The following NAV2 variants were observed in gnomAD, a reference collection of about 807,000 sequenced individuals.
NAV2 encodes the protein neuron navigator 2, also known as helicase, APC down-regulated 1.
NAV2 carries 54 observed loss-of-function variants against 223.2 expected under a neutral mutation model. The observed-to-expected ratio is 0.24, with a 90% CI of 0.19 to 0.30. The LOEUF (loss-of-function observed/expected upper bound fraction) is 0.30, where lower values mean the gene tolerates loss of function less well. Ranked by LOEUF, NAV2 falls within the 10% of genes least tolerant of loss-of-function variation. The pLI is 1.00. For synonymous variants in NAV2, 1,279 were observed against 1,239.3 expected (o/e 1.03, Z -0.67); for missense variants, 2,806 against 3,147.5 (o/e 0.89, Z 2.60).
chr11:19,877,470 C>CTTTTTTTTTTTTTTCTTTTTTTTTTTCTT (rs1555114909), intron 4 of NAV2, among the ~76,000 whole-genome samples: 3 of 82,622 alleles, frequency 3.6e-5, no homozygotes, highest in African/African-American at 6.8e-5. Flanking sequence ...TATCTTCATT[C>CTTTTTTTTTTTTTTCTTTTTTTTTTTCTT]TTTTTTTTTT....
At chr11:19,682,346 A>G (rs1298303582) in intron 1 of NAV2, among the ~76,000 whole-genome samples, 3 of 152,264 alleles carry the variant, frequency 2.0e-5, no homozygotes, top group Non-Finnish European at 2.9e-5. Flanking sequence ...ATCCTACTTA[A>G]CAGATGAGGA....
Position 19,880,001 on chromosome 11 carries a change from G to A in NAV2, c.644G>A (p.Gly215Glu), listed in dbSNP as rs897834235. ...CCGCCCGCCGTATCCCAGGTGGCCG[G>A]GGCCCCCTCCCAGTGCCAGGCTGGC... is the stretch of plus-strand genomic sequence containing the variant. ...PLPPAVSQVAGAPSQCQAGTP... is the reference protein window; with the variant it reads ...PLPPAVSQVAEAPSQCQAGTP... The change falls in exon 5 of 38, where the codon GGG becomes GAG. Residue 215 changes from glycine (G) to glutamate (E), a missense_variant. Physicochemically the swap from Gly to Glu is moderately conservative, Grantham distance 98. Coordinates refer to ENST00000349880, the MANE Select transcript of NAV2 (RefSeq NM_145117.5). The A allele has an allele frequency of 1.2e-6, 2 of 1,613,642 alleles. No individual in the cohort carries two copies. Among genetic ancestry groups the A allele is most frequent in the African/African-American group, 1.3e-5 (1 of 74,874 alleles).
intron 1 of NAV2, among the ~76,000 whole-genome samples, chr11:19,482,394 A>C (rs987458769): frequency 8.5e-5 from 13 of 152,166 alleles, no homozygotes; most frequent in African/African-American, 2.9e-4. Flanking sequence ...GTGAAACTCA[A>C]CTGTCCTGGA....
chr11:19,760,279 C>T (rs980970773), intron 1 of NAV2, among the ~76,000 whole-genome samples: 1 of 152,164 alleles, frequency 6.6e-6, no homozygotes, highest in Non-Finnish European at 1.5e-5. Flanking sequence ...CTGTCCTTTA[C>T]CCCATTCTCA....
At chr11:19,523,691 T>C (rs2043748598) in intron 1 of NAV2, among the ~76,000 whole-genome samples, 1 of 152,230 alleles carries the variant, frequency 6.6e-6, no homozygotes, top group South Asian at 2.1e-4. Flanking sequence ...ATGCCATCGT[T>C]TGCACATTGC....
chr11:19,466,844 G>T lies in NAV2; in HGVS notation c.75+115817G>T, dbSNP rs139817839. 7.1e-3 allele frequency among the ~76,000 whole-genome samples: 1,078 copies of T among 152,268 alleles called. 14 individuals are homozygous for T. Among genetic ancestry groups the T allele is most frequent in the African/African-American group, 0.025 (1,031 of 41,548 alleles). The stretch of plus-strand genomic sequence containing the variant: ...GAGATCTTAGAAAACACAGAAAGTT[G>T]TAAAGAAGAAAATAAATTCACTACG... On this transcript the variant is annotated intron_variant, in intron 1 of 37. Coordinates refer to the NAV2 transcript ENST00000360655.
At chr11:19,698,526 C>T (rs866321237) in intron 1 of NAV2, among the ~76,000 whole-genome samples, 15 of 152,216 alleles carry the variant, frequency 9.9e-5, no homozygotes, top group African/African-American at 3.1e-4. Context: ...GGAGCAGGAG[C>T]TACCTGTGAG....
At chr11:19,840,769 A>G (rs1006323009) in intron 2 of NAV2, among the ~76,000 whole-genome samples, 1 of 152,174 alleles carries the variant, frequency 6.6e-6, no homozygotes, top group Non-Finnish European at 1.5e-5. Flanking sequence ...ATTCATCTCA[A>G]TGTTCAAGAA....
At chr11:19,582,325 C>T (rs1212683622) in intron 1 of NAV2, among the ~76,000 whole-genome samples, 1 of 152,178 alleles carries the variant, frequency 6.6e-6, no homozygotes, top group East Asian at 1.9e-4. Flanking sequence ...TGCCTGTTCA[C>T]TCTGATGGTA....
intron 20 of NAV2, among the ~76,000 whole-genome samples, chr11:20,064,348 A>G (rs1030487649): frequency 1.1e-4 from 16 of 152,264 alleles, no homozygotes; most frequent in Non-Finnish European, 5.9e-5. Context: ...CTGACGGAGG[A>G]AGCTGTAGGC....
At chr11:19,524,692 G>A (rs2043789278) in intron 1 of NAV2, among the ~76,000 whole-genome samples, 1 of 152,182 alleles carries the variant, frequency 6.6e-6, no homozygotes, top group Non-Finnish European at 1.5e-5. Flanking sequence ...GAAGTTTGGG[G>A]ACTTTATTGT....
rs145705319 is a variant in NAV2 at position 19,470,507 on chromosome 11, G to GGA, written c.75+119489_75+119490dup. 8.8e-3 allele frequency among the ~76,000 whole-genome samples: 1,342 copies of GGA among 152,286 alleles called. 19 individuals are homozygous for GGA. The highest frequency in any genetic ancestry group is 0.031 in the African/African-American group (1,289 of 41,564). ...TCTTGCTGAATTATCCCATGGCAAA[G>GGA]GAGAGAGAGACTGTGAGCCAAACTC... On this transcript the variant is annotated intron_variant, in intron 1 of 37. Transcript: ENST00000360655.
chr11:19,738,351 G>T (rs1345331292), intron 1 of NAV2, among the ~76,000 whole-genome samples: 4 of 152,376 alleles, frequency 2.6e-5, no homozygotes, highest in Middle Eastern at 3.4e-3. Flanking sequence ...GAGCCTGTCA[G>T]CCTTGCCCAG....
intron 11 of NAV2, chr11:20,023,249 A>G: frequency 1.7e-6 from 1 of 571,956 alleles, no homozygotes; most frequent in East Asian, 7.8e-5. Flanking sequence ...GCAGCTGCCT[A>G]AATCACTGTG....
intron 31 of NAV2, among the ~76,000 whole-genome samples, chr11:20,098,277 A>AT (rs1219655646): frequency 1.3e-5 from 2 of 152,178 alleles, no homozygotes; most frequent in African/African-American, 4.8e-5. Context: ...GGAAAAAAAA[A>AT]GCTTCACTGC....
rs1478322533 is a variant in NAV2 at position 20,119,194 on chromosome 11, T to A, written c.*936T>A. The A allele has an allele frequency of 2.6e-5, 4 of 151,540 alleles. No homozygotes were observed. Among genetic ancestry groups the A allele is most frequent in the Non-Finnish European group, 5.9e-5 (4 of 67,792 alleles). The allele number at this position is 151,540 out of a possible 1,614,324, so 9.4% of individuals were successfully genotyped here. On this transcript the variant is annotated 3_prime_UTR_variant, in exon 38 of 38. Coordinates refer to ENST00000349880, the MANE Select transcript of NAV2 (RefSeq NM_145117.5). ...GCATTGATTTTTGAAGATTTTTTTTTCCCCCTTCCCCTCTTGGTCAGAATC... is the reference window on the plus strand; with the variant it reads ...GCATTGATTTTTGAAGATTTTTTTTACCCCCTTCCCCTCTTGGTCAGAATC...
chr11:20,086,423 T>A (rs551498740), intron 26 of NAV2, among the ~76,000 whole-genome samples: 1 of 152,210 alleles, frequency 6.6e-6, no homozygotes, highest in Non-Finnish European at 1.5e-5. Context: ...ACTTAATGAA[T>A]AAGGCCTTGC....
chr11:19,945,898 A>G (rs1159443219), intron 8 of NAV2, among the ~76,000 whole-genome samples: 1 of 152,234 alleles, frequency 6.6e-6, no homozygotes. Flanking sequence ...AATACATCTA[A>G]CAAGGAAGAA....
intron 10 of NAV2, among the ~76,000 whole-genome samples, chr11:19,979,853 C>T (rs1461520112): frequency 6.6e-6 from 1 of 152,212 alleles, no homozygotes; most frequent in Non-Finnish European, 1.5e-5. Context: ...TGAAATGCGA[C>T]AGTTGGGATT....
Sources: allele counts gnomAD v4.1 joint callset (sites outside exome capture counted in the v4.1 genomes callset), GRCh38; gene constraint gnomAD v4.1.1; transcripts MANE v1.5; gene names NCBI Gene and HGNC (gene_info 2026-07-23, HGNC 2026-07-21).